Variants in PLCL2 observed in about 807,000 individuals in gnomAD.
The protein encoded by PLCL2 is phospholipase C like 2, also known as inactive phospholipase C-like protein 2.
PLCL2 carries 4 observed loss-of-function variants against 79.6 expected under a neutral mutation model. The ratio of observed to expected loss-of-function variants is 0.05; its 90% CI spans 0.02 to 0.11. The LOEUF (loss-of-function observed/expected upper bound fraction) is 0.11, where lower values mean the gene tolerates loss of function less well. Among genes scored for constraint, PLCL2 ranks in the 10% least tolerant of loss-of-function variants. The pLI is 1.00. For missense variants in PLCL2, 895 were observed against 1,291.0 expected (o/e 0.69, Z 4.70); for synonymous variants, 484 against 457.7 (o/e 1.06, Z -0.73).
At chr3:16,979,547 G>T (rs2063959578) in intron 1 of PLCL2, among the ~76,000 whole-genome samples, 1 of 100,282 alleles carries the variant, frequency 1.0e-5, no homozygotes, top group African/African-American at 4.2e-5. Flanking sequence ...CTCTTAACCA[G>T]CATGCTGCCT....
chr3:16,956,696 G>A (rs200381746), intron 1 of PLCL2, among the ~76,000 whole-genome samples: 128,007 of 152,018 alleles, frequency 0.84, 54,358 homozygotes, highest in African/African-American at 0.95. Flanking sequence ...GATTATTGCC[G>A]CAATTTCAGA....
intron 1 of PLCL2, among the ~76,000 whole-genome samples, chr3:16,974,210 T>C (rs969382946): frequency 2.0e-5 from 3 of 151,980 alleles, no homozygotes; most frequent in Admixed American, 1.3e-4. Context: ...GCTATCTCTA[T>C]CATGAGAGGG....
intron 1 of PLCL2, among the ~76,000 whole-genome samples, chr3:16,962,362 C>T (rs545612462): frequency 1.3e-4 from 20 of 151,786 alleles, no homozygotes; most frequent in South Asian, 1.0e-3. Flanking sequence ...GCCTGCCCCA[C>T]GACCCATCTG....
chr3:16,958,954 T>C (rs1277537658), intron 1 of PLCL2, among the ~76,000 whole-genome samples: 2 of 152,156 alleles, frequency 1.3e-5, no homozygotes, highest in African/African-American at 2.4e-5. Flanking sequence ...ATCTTTGCAC[T>C]CTGTTTTCCA....
At position 16,965,984 on chromosome 3, in the gene PLCL2, A is replaced by C. The variant is rs190716978; in HGVS notation, c.328-43690A>C. ...GCAAACAGGGACAATTTGACTTCCT[A>C]TTTTCCTAATTGAATACCCTTTATT... On this transcript the variant is annotated intron_variant, in intron 1 of 5. Transcript: ENST00000615277. Among the ~76,000 whole-genome samples the C allele has an allele frequency of 4.0e-3, 607 of 151,978 alleles. 4 individuals carry two copies. The highest frequency in any genetic ancestry group is 9.2e-3 in the South Asian group (44 of 4,804).
intron 1 of PLCL2, among the ~76,000 whole-genome samples, chr3:16,889,268 C>T (rs1030602806): frequency 6.6e-6 from 1 of 152,032 alleles, no homozygotes; most frequent in African/African-American, 2.4e-5. Flanking sequence ...CTACTTGTAT[C>T]CCGCTTGGGT....
intron 5 of PLCL2, among the ~76,000 whole-genome samples, chr3:17,075,473 G>C (rs1364437344): frequency 6.6e-6 from 1 of 150,544 alleles, no homozygotes; most frequent in Non-Finnish European, 1.5e-5. Context: ...GAAACACAAA[G>C]TGAACACATG....
intron 1 of PLCL2, among the ~76,000 whole-genome samples, chr3:16,977,918 G>C (rs1183539240): frequency 6.6e-6 from 1 of 152,148 alleles, no homozygotes; most frequent in Non-Finnish European, 1.5e-5. Flanking sequence ...TCCTCACATG[G>C]TGGAAGGGAC....
chr3:16,958,429 G>A (rs1385501245), intron 1 of PLCL2, among the ~76,000 whole-genome samples: 1 of 151,996 alleles, frequency 6.6e-6, no homozygotes, highest in Admixed American at 6.6e-5. Flanking sequence ...AGTAAATGTG[G>A]GTGGGTACAG....
At chr3:16,930,506 TG>T (rs1291671745) in intron 1 of PLCL2, among the ~76,000 whole-genome samples, 3 of 152,228 alleles carry the variant, frequency 2.0e-5, no homozygotes, top group Admixed American at 6.5e-5. Context: ...TGATCAGAAC[TG>T]CTATAAATGA....
At chr3:16,949,528 C>T (rs1158938339) in intron 1 of PLCL2, among the ~76,000 whole-genome samples, 1 of 152,140 alleles carries the variant, frequency 6.6e-6, no homozygotes, top group African/African-American at 2.4e-5. Flanking sequence ...TATTAGTCTT[C>T]TGTCTCATAG....
At chr3:17,073,616 C>T (rs2065082192) in intron 5 of PLCL2, among the ~76,000 whole-genome samples, 1 of 152,150 alleles carries the variant, frequency 6.6e-6, no homozygotes, top group South Asian at 2.1e-4. Flanking sequence ...AGCATTTTAC[C>T]CACAGTAGAA....
At chr3:16,937,794 T>C (rs1284357364) in intron 1 of PLCL2, among the ~76,000 whole-genome samples, 1 of 152,204 alleles carries the variant, frequency 6.6e-6, no homozygotes, top group African/African-American at 2.4e-5. Flanking sequence ...AAAAAGATGT[T>C]TCTTTTTTAT....
intron 3 of PLCL2, among the ~76,000 whole-genome samples, chr3:17,025,697 G>A (rs1292409904): frequency 6.6e-6 from 1 of 152,106 alleles, no homozygotes; most frequent in Non-Finnish European, 1.5e-5. Context: ...CTGGTCATGA[G>A]CTGGAAAAAA....
At chr3:16,889,066 T>G (rs929918391) in intron 1 of PLCL2, among the ~76,000 whole-genome samples, 1 of 152,192 alleles carries the variant, frequency 6.6e-6, no homozygotes, top group Non-Finnish European at 1.5e-5. Context: ...TTTTAATCAG[T>G]AGGAAATTCG....
chr3:17,013,217 C>G (rs1279610806), intron 2 of PLCL2, among the ~76,000 whole-genome samples: 1 of 152,198 alleles, frequency 6.6e-6, no homozygotes, highest in Non-Finnish European at 1.5e-5. Context: ...GTGTGTGACA[C>G]AGAATTCCTT....
At position 16,961,772 on chromosome 3, in the gene PLCL2, G is replaced by A. The variant is rs376518557; in HGVS notation, c.328-47902G>A. 4.6e-5 allele frequency among the ~76,000 whole-genome samples: 7 copies of A among 152,304 alleles called. 1 individual carries two copies. On this transcript the variant is annotated intron_variant, in intron 1 of 5. Coordinates refer to ENST00000615277, the MANE Select transcript of PLCL2 (RefSeq NM_001144382.2). ...GAATGAGAATGAGAGTTGTGGGATA[G>A]GGAGGAAGGTAGAGTATGTGAAACC...
chr3:16,942,226 G>A (rs2063554090), intron 1 of PLCL2, among the ~76,000 whole-genome samples: 1 of 152,208 alleles, frequency 6.6e-6, no homozygotes, highest in Admixed American at 6.5e-5. Flanking sequence ...ATCTGCTGAG[G>A]AGAGTGCCTT....
intron 1 of PLCL2, among the ~76,000 whole-genome samples, chr3:16,984,879 C>G (rs564931298): frequency 2.0e-5 from 3 of 152,050 alleles, no homozygotes; most frequent in African/African-American, 7.2e-5. Context: ...TTGCAGTGAG[C>G]CAAGATCACA....
Sources: allele counts gnomAD v4.1 joint callset (sites outside exome capture counted in the v4.1 genomes callset), GRCh38; gene constraint gnomAD v4.1.1; transcripts MANE v1.5; gene names NCBI Gene and HGNC (gene_info 2026-07-23, HGNC 2026-07-21).